CSNK1G2: variants seen among roughly 807,000 people sequenced by gnomAD.
The protein encoded by CSNK1G2 is casein kinase 1 gamma 2.
Under a neutral mutation model 48.0 loss-of-function variants are expected in CSNK1G2, and 11 were observed. The observed-to-expected ratio is 0.23, with a 90% confidence interval of 0.14 to 0.38. CSNK1G2 has a LOEUF of 0.38. Ranked by LOEUF, CSNK1G2 falls within the 10% of genes least tolerant of loss-of-function variation. The pLI, the probability that CSNK1G2 is intolerant of heterozygous loss-of-function variation, is 1.00. For missense variants in CSNK1G2, 446 were observed against 595.5 expected, an observed-to-expected ratio of 0.75 and a Z score of 2.61; for synonymous variants, 337 against 254.1, an observed-to-expected ratio of 1.33 and a Z score of -3.10.
At chr19:1,945,710 T>C (rs1042907888) in intron 1 of CSNK1G2, among the ~76,000 whole-genome samples, 2 of 151,692 alleles carry the variant, frequency 1.3e-5, no homozygotes, top group Non-Finnish European at 2.9e-5. Flanking sequence ...TAATCCCAGC[T>C]ACTCGAGAGG....
intron 1 of CSNK1G2, among the ~76,000 whole-genome samples, chr19:1,966,390 T>C (rs2015366157): frequency 6.6e-6 from 1 of 152,154 alleles, no homozygotes; most frequent in Admixed American, 6.5e-5. Flanking sequence ...AGAACTAGAA[T>C]GAGAAGGACT....
intron 2 of CSNK1G2, among the ~76,000 whole-genome samples, chr19:1,976,704 G>A (rs2015767772): frequency 6.6e-6 from 1 of 151,778 alleles, no homozygotes; most frequent in Non-Finnish European, 1.5e-5. Flanking sequence ...TCCAGCTGCA[G>A]CAGGGCGGAA....
intron 2 of CSNK1G2, among the ~76,000 whole-genome samples, chr19:1,971,525 A>G (rs1036535870): frequency 6.6e-6 from 1 of 152,258 alleles, no homozygotes; most frequent in Non-Finnish European, 1.5e-5. Flanking sequence ...ACGTGCCCAC[A>G]AATGCACATG....
At chr19:1,950,134 A>T (rs1451107185) in intron 1 of CSNK1G2, among the ~76,000 whole-genome samples, 1 of 150,540 alleles carries the variant, frequency 6.6e-6, no homozygotes, top group Admixed American at 6.6e-5. Flanking sequence ...ATTTATTTAT[A>T]TATTTATTTA....
chr19:1,979,323 A>G lies in CSNK1G2; in HGVS notation c.773A>G (p.Asp258Gly). ...GSLPWQGLKA[D>G]TLKERYQKIG... ...GCTGACCACAGACCCCCGCAGGCCGACACGCTCAAGGAGCGGTACCAGAAG... is the reference window on the plus strand; with the variant it reads ...GCTGACCACAGACCCCCGCAGGCCGGCACGCTCAAGGAGCGGTACCAGAAG... Residue 258 changes from aspartate to glycine, a missense_variant, in exon 8 of 12, where the codon GAC (aspartate) becomes GGC (glycine). Asp to Gly is a moderately conservative substitution (Grantham distance 94, BLOSUM62 -1). This residue lies in a region of CSNK1G2 where 258 missense variants were observed against 415.9 expected (regional missense o/e 0.62). Transcript: ENST00000255641. The G allele has an allele frequency of 6.2e-7, 1 of 1,601,168 alleles. No individual in the cohort carries two copies.
At chr19:1,947,915 C>G (rs2014621307) in intron 1 of CSNK1G2, among the ~76,000 whole-genome samples, 1 of 151,858 alleles carries the variant, frequency 6.6e-6, no homozygotes, top group African/African-American at 2.4e-5. Flanking sequence ...GCCCGCGGCC[C>G]TGGGCAATGG....
intron 1 of CSNK1G2, among the ~76,000 whole-genome samples, chr19:1,955,640 G>C (rs2014967276): frequency 6.6e-6 from 1 of 152,176 alleles, no homozygotes; most frequent in South Asian, 2.1e-4. Flanking sequence ...TCCCTCTGCT[G>C]TCCGCCCACG....
rs1010177291 is a variant in CSNK1G2, at chr19:1,979,492, C to T, written c.854-3C>T. ...CGAGGCCCCGCTGGCGCTCTCTCTG[C>T]AGAGGAGATGGCCACGTACCTGCGC... On this transcript the variant is annotated splice_region_variant and splice_polypyrimidine_tract_variant and intron_variant, in intron 8 of 11. Coordinates refer to ENST00000255641, the MANE Select transcript of CSNK1G2 (RefSeq NM_001319.7). The T allele has an allele frequency of 1.4e-6, 2 of 1,412,488 alleles. No homozygotes were observed. The highest frequency in any genetic ancestry group is 1.9e-6 in the Non-Finnish European group (2 of 1,057,968). The allele number at this position is 1,412,488 out of a possible 1,614,324, so 87.5% of individuals were successfully genotyped here.
chr19:1,952,194 G>C (rs1022135790), intron 1 of CSNK1G2, among the ~76,000 whole-genome samples: 18 of 152,258 alleles, frequency 1.2e-4, no homozygotes, highest in African/African-American at 4.3e-4. Context: ...CCCCTCAGTG[G>C]GCAGTGGGTG....
rs1043790735 is a variant in CSNK1G2, at chr19:1,979,507, C to T, written c.866C>T (p.Thr289Met). 13 of 1,477,118 alleles carry T rather than the reference C, an allele frequency of 8.8e-6. No homozygotes were observed. The highest frequency in any genetic ancestry group is 7.3e-5 in the Admixed American group (4 of 54,840). The allele number at this position is 1,477,118 out of a possible 1,614,324, so 91.5% of individuals were successfully genotyped here. ...GCTCTCTCTGCAGAGGAGATGGCCA[C>T]GTACCTGCGCTATGTGCGGCGCCTG... is the stretch of plus-strand genomic sequence containing the variant. ...LCENFPEEMA[T>M]YLRYVRRLDF... The change falls in exon 9 of 12, where the codon ACG (threonine) becomes ATG (methionine). Residue 289 changes from threonine (T) to methionine (M), a missense_variant. Thr to Met is a moderately conservative substitution (Grantham distance 81). Around this residue, in one of 2 missense-constraint regions of CSNK1G2, gnomAD observed 188 missense variants for 179.6 expected, o/e 1.05. Coordinates refer to ENST00000255641, the MANE Select transcript of CSNK1G2 (RefSeq NM_001319.7).
chr19:1,970,197 G>C (rs1042333743), intron 2 of CSNK1G2, among the ~76,000 whole-genome samples: 1 of 152,252 alleles, frequency 6.6e-6, no homozygotes, highest in South Asian at 2.1e-4. Context: ...AAACAGTTCT[G>C]TTGGGAGGCA....
intron 2 of CSNK1G2, among the ~76,000 whole-genome samples, chr19:1,973,565 C>T (rs565558912): frequency 6.6e-6 from 1 of 152,320 alleles, no homozygotes; most frequent in African/African-American, 2.4e-5. Flanking sequence ...TGGCCCTGTC[C>T]CCAGGTCCCT....
rs2015028495 is a variant in CSNK1G2, at chr19:1,957,204, A to G, written c.-265-12304A>G. Reference sequence around the variant, plus strand: ...CCCACCTCCCTCCAGGCAGCCCCACAGGCCCGAGGGCCACCGTGTCAGGAG... The same window carrying G: ...CCCACCTCCCTCCAGGCAGCCCCACGGGCCCGAGGGCCACCGTGTCAGGAG... On this transcript the variant is annotated intron_variant, in intron 1 of 11. Transcript: ENST00000255641. This position sits in a 1 kb window ranked among gnomAD's most constrained non-coding sequence, Gnocchi z 5.4. Among the ~76,000 whole-genome samples the G allele has an allele frequency of 6.6e-6, 1 of 152,152 alleles. No individual in the cohort carries two copies. Among genetic ancestry groups the G allele is most frequent in the Non-Finnish European group, 1.5e-5 (1 of 68,016 alleles).
chr19:1,952,920 G>T, intron 1 of CSNK1G2: 1 of 452,034 alleles, frequency 2.2e-6, no homozygotes, highest in Non-Finnish European at 4.3e-6. Context: ...CTGCCTTCGA[G>T]TGGAGGGAAA....
At chr19:1,979,446 A>AC (rs1349305636) in intron 8 of CSNK1G2, 43 bp downstream of exon 8, 8 of 381,584 alleles carry the variant, frequency 2.1e-5, no homozygotes, top group Non-Finnish European at 3.3e-5. Flanking sequence ...CCCACCCCCC[A>AC]CCCCCCACCC....
Position 1,952,874 on chromosome 19 carries a change from G to T in CSNK1G2, c.-266+11456G>T, listed in dbSNP as rs528956865. The T allele has an allele frequency of 1.7e-4, 74 of 434,190 alleles. No individual in the cohort carries two copies. In the Middle Eastern group the frequency reaches 4.2e-3, roughly 25 times the overall value. The allele number at this position is 434,190 out of a possible 1,614,324, so 26.9% of individuals were successfully genotyped here. ...CCCTTCACTCTGCAGCCCTCGTGGG[G>T]ATCATCACAGAGGCAGGAGCTGGCA... On this transcript the variant is annotated intron_variant, in intron 1 of 11. Transcript: ENST00000255641.
rs957409807 is a variant in CSNK1G2, at chr19:1,957,679, G to T, written c.-265-11829G>T. ...GAGACTGGAGGGTGCGCAGGACCCC[G>T]GGTGACTGCAGACGTGGGCACAGAG... On this transcript the variant is annotated intron_variant, in intron 1 of 11. Coordinates refer to ENST00000255641, the MANE Select transcript of CSNK1G2 (RefSeq NM_001319.7). The surrounding 1 kb of genome is among the most constrained non-coding windows in gnomAD (Gnocchi z 5.4). Among the ~76,000 whole-genome samples, 1 of 152,252 alleles carries T rather than the reference G, an allele frequency of 6.6e-6. No individual in the cohort carries two copies. The highest frequency in any genetic ancestry group is 6.5e-5 in the Admixed American group (1 of 15,302).
At chr19:1,963,874 T>A (rs1247279232) in intron 1 of CSNK1G2, among the ~76,000 whole-genome samples, 1 of 147,296 alleles carries the variant, frequency 6.8e-6, no homozygotes, top group African/African-American at 2.5e-5. Flanking sequence ...TGGAGTGCAA[T>A]GGCACGATCT....
At chr19:1,973,309 C>T (rs560123367) in intron 2 of CSNK1G2, among the ~76,000 whole-genome samples, 8 of 152,178 alleles carry the variant, frequency 5.3e-5, no homozygotes, top group South Asian at 2.1e-4. Flanking sequence ...CTGCAACCTC[C>T]GCCTCCTGGG....
Sources: gnomAD v4.1 joint callset for allele counts (sites outside exome capture counted in the v4.1 genomes callset) on GRCh38, gnomAD v4.1.1 for gene constraint, gnomAD v4.1.1 regional missense constraint, Gnocchi (gnomAD v3.1) non-coding constraint, MANE v1.5 for transcripts, NCBI Gene and HGNC (gene_info 2026-07-23, HGNC 2026-07-21) for gene names.